SLIT3: variants seen among roughly 807,000 people sequenced by gnomAD.
SLIT3 encodes the protein slit homolog 3 protein.
In SLIT3, 68 loss-of-function variants were observed where a neutral mutation model predicts 184.0. The ratio of observed to expected loss-of-function variants is 0.37; its 90% CI spans 0.30 to 0.45. The LOEUF (loss-of-function observed/expected upper bound fraction) is 0.45, where lower values mean the gene tolerates loss of function less well. Ranked by LOEUF, SLIT3 falls within the 20% of genes least tolerant of loss-of-function variation. The pLI is 1.00. For missense variants in SLIT3, 1,707 were observed against 2,026.0 expected, an observed-to-expected ratio of 0.84 and a Z score of 3.02; for synonymous variants, 831 against 828.6, an observed-to-expected ratio of 1.00 and a Z score of -0.05.
intron 7 of SLIT3, 38 bp downstream of exon 7, chr5:168,823,222 G>T (rs750579142): frequency 2.0e-6 from 3 of 1,533,718 alleles, no homozygotes; most frequent in Non-Finnish European, 2.7e-6. Context: ...GCGTGAGGTA[G>T]GGAGAAAATG....
intron 5 of SLIT3, among the ~76,000 whole-genome samples, chr5:168,875,366 T>C (rs1383720319): frequency 1.3e-5 from 2 of 152,026 alleles, no homozygotes; most frequent in East Asian, 3.9e-4. Context: ...GCATGGTGGC[T>C]CATGCCTGTA....
At chr5:168,696,611 C>A (rs936807745) in intron 27 of SLIT3, among the ~76,000 whole-genome samples, 180 bp from the exon 28 acceptor site, 1 of 152,108 alleles carries the variant, frequency 6.6e-6, no homozygotes, top group African/African-American at 2.4e-5. Context: ...CCCTTAGGAA[C>A]CTAAAAGGTC....
chr5:168,981,596 A>C (rs907785520), intron 4 of SLIT3, among the ~76,000 whole-genome samples: 1 of 152,174 alleles, frequency 6.6e-6, no homozygotes, highest in African/African-American at 2.4e-5. Context: ...ATTATTGTAG[A>C]TAGAGCTGAA....
intron 4 of SLIT3, among the ~76,000 whole-genome samples, chr5:168,988,770 G>A (rs1243572206): frequency 2.0e-5 from 3 of 151,428 alleles, no homozygotes; most frequent in Admixed American, 2.0e-4. Flanking sequence ...AATCAACTAG[G>A]AGACCCCCCC....
chr5:168,827,390 G>A lies in SLIT3; in HGVS notation c.558-4059C>T, dbSNP rs1448360624. Among the ~76,000 whole-genome samples the A allele has an allele frequency of 2.0e-5, 3 of 152,334 alleles. No individual in the cohort carries two copies. In the East Asian group the frequency reaches 5.8e-4, roughly 29 times the overall value. ...CACCCATGCCCCTCGGCTCATGGCT[G>A]CTTCATTGCGTCACTTCAACCTCTT... On this transcript the variant is annotated intron_variant, in intron 6 of 35. Coordinates refer to ENST00000519560, the MANE Select transcript of SLIT3 (RefSeq NM_003062.4).
intron 28 of SLIT3, among the ~76,000 whole-genome samples, chr5:168,695,001 G>A (rs969538221): frequency 6.6e-6 from 1 of 152,166 alleles, no homozygotes; most frequent in African/African-American, 2.4e-5. Flanking sequence ...AGAGCAAGTG[G>A]TTTTCTCAGT....
At chr5:168,751,219 C>T (rs192334323) in intron 18 of SLIT3, among the ~76,000 whole-genome samples, 6 of 152,292 alleles carry the variant, frequency 3.9e-5, no homozygotes, top group African/African-American at 1.2e-4. Context: ...TTAGGCCCTC[C>T]TCTAACTTCG....
At chr5:168,841,772 C>G (rs1581135347) in intron 6 of SLIT3, among the ~76,000 whole-genome samples, 1 of 152,306 alleles carries the variant, frequency 6.6e-6, no homozygotes, top group Admixed American at 6.5e-5. Flanking sequence ...AGTTGACATC[C>G]ATACACTTTC....
At chr5:169,011,999 T>G (rs1001241592) in intron 4 of SLIT3, 12 of 152,060 alleles carry the variant, frequency 7.9e-5, no homozygotes, top group African/African-American at 2.9e-4. Flanking sequence ...CCACTTTTAT[T>G]GTCATTTTTT....
intron 26 of SLIT3, among the ~76,000 whole-genome samples, chr5:168,705,927 A>G (rs1186091443): frequency 6.6e-6 from 1 of 152,234 alleles, no homozygotes; most frequent in Non-Finnish European, 1.5e-5. Context: ...CTGATTATAA[A>G]AATCAGAGAA....
At chr5:168,906,505 T>C (rs998508297) in intron 4 of SLIT3, among the ~76,000 whole-genome samples, 1 of 152,156 alleles carries the variant, frequency 6.6e-6, no homozygotes, top group Non-Finnish European at 1.5e-5. Context: ...CCTGCATCCA[T>C]TATGTGTTTG....
intron 4 of SLIT3, among the ~76,000 whole-genome samples, chr5:169,057,390 C>T (rs751142851): frequency 1.3e-5 from 2 of 152,168 alleles, no homozygotes; most frequent in African/African-American, 2.4e-5. Flanking sequence ...TCTGGAAGCC[C>T]GCTTTGCTTA....
intron 6 of SLIT3, among the ~76,000 whole-genome samples, chr5:168,837,516 C>T (rs928341665): frequency 2.0e-5 from 3 of 152,180 alleles, no homozygotes; most frequent in Admixed American, 6.5e-5. Context: ...CAGTAAAATA[C>T]TACGTTGTTC....
In SLIT3 at chr5:168,683,957, G is replaced by A; in HGVS notation, c.3686+9C>T. 1.3e-6 allele frequency: 2 copies of A among 1,527,020 alleles called. No individual in the cohort carries two copies. Among genetic ancestry groups the A allele is most frequent in the Non-Finnish European group, 8.8e-7 (1 of 1,130,572 alleles). The allele number at this position is 1,527,020 out of a possible 1,614,324, so 94.6% of individuals were successfully genotyped here. A position where few individuals can be genotyped will look rare whatever the true frequency, so the allele number is the denominator to read the frequency against. On this transcript the variant is annotated intron_variant, in intron 32 of 35. Coordinates refer to ENST00000519560, the MANE Select transcript of SLIT3 (RefSeq NM_003062.4). ...CACACAGTGGGTCAGGAGGGAGAGA[G>A]GCCCTTACCTGTACACTGTGGTTGG... is the stretch of plus-strand genomic sequence containing the variant.
chr5:168,908,297 C>G (rs145037302), intron 4 of SLIT3, among the ~76,000 whole-genome samples: 1 of 152,030 alleles, frequency 6.6e-6, no homozygotes, highest in African/African-American at 2.4e-5. Context: ...CAGTGGTAGA[C>G]GAGTCACCTG....
At chr5:168,697,432 C>T (rs917317834) in intron 27 of SLIT3, among the ~76,000 whole-genome samples, 1 of 152,032 alleles carries the variant, frequency 6.6e-6, no homozygotes, top group Non-Finnish European at 1.5e-5. Flanking sequence ...GGATGGGAGT[C>T]GGGGGTGGAG....
At chr5:168,915,992 T>C (rs1761422217) in intron 4 of SLIT3, among the ~76,000 whole-genome samples, 1 of 152,252 alleles carries the variant, frequency 6.6e-6, no homozygotes, top group Non-Finnish European at 1.5e-5. Context: ...ATACTTTAAG[T>C]TCTAGGGTAC....
At chr5:168,806,958 C>T (rs376643282) in intron 8 of SLIT3, among the ~76,000 whole-genome samples, 1 of 152,112 alleles carries the variant, frequency 6.6e-6, no homozygotes, top group Admixed American at 6.5e-5. Flanking sequence ...TGGTATTGGA[C>T]GCTGAGTGTA....
At chr5:168,677,097 G>A (rs1052786313) in intron 32 of SLIT3, among the ~76,000 whole-genome samples, 7 of 152,186 alleles carry the variant, frequency 4.6e-5, no homozygotes, top group African/African-American at 1.7e-4. Flanking sequence ...ATGCCCACAT[G>A]GGAGAATCCT....
Sources: allele counts gnomAD v4.1 joint callset (sites outside exome capture counted in the v4.1 genomes callset), GRCh38; gene constraint gnomAD v4.1.1; transcripts MANE v1.5; gene names NCBI Gene and HGNC (gene_info 2026-07-23, HGNC 2026-07-21).